Variants in FAM161A observed in about 807,000 individuals in gnomAD.
FAM161A encodes FAM161 centrosomal protein A, also known as protein FAM161A.
Under a neutral mutation model 70.9 loss-of-function variants are expected in FAM161A, and 57 were observed. The observed-to-expected ratio is 0.80, with a 90% confidence interval of 0.65 to 1.00. The LOEUF is 1.00. FAM161A is among the 50% of genes least tolerant of loss of function. The pLI, the probability that FAM161A is intolerant of heterozygous loss-of-function variation, is 0.00. For synonymous variants in FAM161A, 299 were observed against 295.7 expected (o/e 1.01, Z -0.12); for missense variants, 880 against 836.0 (o/e 1.05, Z -0.65).
chr2:61,823,332 CA>C (rs58820982), downstream of FAM161A, among the ~76,000 whole-genome samples: 88,741 of 118,404 alleles, frequency 0.75, 33,996 homozygotes, highest in East Asian at 0.88. Context: ...GATTCCATCT[CA>C]AAAAAAAAAA....
At chr2:61,818,309 G>A in the FAM161A span, among the ~76,000 whole-genome samples, 1 of 152,142 alleles carries the variant, frequency 6.6e-6, no homozygotes, top group African/African-American at 2.4e-5. Context: ...ACCCGCCTCG[G>A]TCTCCCAAAG....
intron 4 of FAM161A, 88 bp from the exon 5 acceptor site, chr2:61,836,197 C>A (rs1672768889): frequency 1.1e-6 from 1 of 939,712 alleles, no homozygotes; most frequent in Admixed American, 2.1e-5. Flanking sequence ...TCAACTTGTA[C>A]AAAGTCAATG....
At chr2:61,805,168 C>G in the FAM161A span, among the ~76,000 whole-genome samples, 1 of 152,176 alleles carries the variant, frequency 6.6e-6, no homozygotes, top group Non-Finnish European at 1.5e-5. Flanking sequence ...GCCCCATGCC[C>G]CACCACCCAC....
At chr2:61,812,129 T>C in the FAM161A span, among the ~76,000 whole-genome samples, 4 of 152,172 alleles carry the variant, frequency 2.6e-5, no homozygotes, top group African/African-American at 9.6e-5. Context: ...CCTTCTTGAC[T>C]CTAACTAGGC....
At chr2:61,814,229 A>G in the FAM161A span, among the ~76,000 whole-genome samples, 4 of 152,198 alleles carry the variant, frequency 2.6e-5, no homozygotes, top group African/African-American at 9.6e-5. Context: ...GTTCATCCAG[A>G]ACTTATCCCC....
At chr2:61,822,791 T>C (rs1262733557), downstream of FAM161A, among the ~76,000 whole-genome samples, 1 of 151,862 alleles carries the variant, frequency 6.6e-6, no homozygotes, top group Non-Finnish European at 1.5e-5. Flanking sequence ...GGTTTCACCA[T>C]GTTGGCCAGG....
Position 61,853,712 on chromosome 2 carries a change from G to A in FAM161A, c.183+147C>T, listed in dbSNP as rs947616172. Reference sequence around the variant, plus strand: ...GAGTAATTTTCGTGAGCGTAGAGAAGGGGCTGGGCCAGGACCACCAAGTAG... The same window carrying A: ...GAGTAATTTTCGTGAGCGTAGAGAAAGGGCTGGGCCAGGACCACCAAGTAG... On this transcript the variant is annotated intron_variant, in intron 1 of 6. Transcript: ENST00000404929. 48 of 777,072 alleles carry A rather than the reference G, an allele frequency of 6.2e-5. No homozygotes were observed. The Admixed American group carries it at 1.4e-3, about 22-fold the overall frequency. The allele number at this position is 777,072 out of a possible 1,614,324, so 48.1% of individuals were successfully genotyped here.
chr2:61,826,989 A>C, intron 6 of FAM161A, 115 bp downstream of exon 6: 57 of 928,674 alleles, frequency 6.1e-5, no homozygotes, highest in Non-Finnish European at 8.9e-5. Context: ...ACTATTGGGT[A>C]AAAGATCTTT....
chr2:61,807,320 G>T, the FAM161A span, among the ~76,000 whole-genome samples: 1 of 151,352 alleles, frequency 6.6e-6, no homozygotes, highest in Non-Finnish European at 1.5e-5. Flanking sequence ...CCTAGAAAAA[G>T]AATAAATCAC....
At position 61,825,616 on chromosome 2, in the gene FAM161A, G is replaced by C; in HGVS notation, c.*839C>G. The C allele has an allele frequency of 2.3e-6, 1 of 438,802 alleles. No individual in the cohort carries two copies. Among genetic ancestry groups the C allele is most frequent in the Non-Finnish European group, 4.5e-6 (1 of 222,890 alleles). The allele number at this position is 438,802 out of a possible 1,614,324, so 27.2% of individuals were successfully genotyped here. On this transcript the variant is annotated 3_prime_UTR_variant, in exon 7 of 7. Coordinates refer to ENST00000404929, the MANE Select transcript of FAM161A (RefSeq NM_001201543.2). ...TCAGTGCAAAAATAAATGTAAATTT[G>C]CAAGTATCCATTTTTTTCTATACTT...
chr2:61,846,747 G>T (rs1673228680), intron 1 of FAM161A: 1 of 321,290 alleles, frequency 3.1e-6, no homozygotes, highest in Non-Finnish European at 6.2e-6. Flanking sequence ...AGAGGAGAAA[G>T]ATGGGACTTA....
At chr2:61,840,655 T>C in intron 2 of FAM161A, 74 bp from the exon 3 acceptor site, 1 of 1,202,444 alleles carries the variant, frequency 8.3e-7, no homozygotes, top group Non-Finnish European at 1.2e-6. Context: ...GTTACATATT[T>C]TCTTTTTTTT....
downstream of FAM161A, chr2:61,820,514 A>G: frequency 1.3e-6 from 1 of 750,404 alleles, no homozygotes; most frequent in Non-Finnish European, 2.4e-6. Context: ...ACTGTGAAAA[A>G]GGTATTTGTT....
rs1315738001 is a variant in FAM161A, at chr2:61,838,879, TA to T, written c.1584-175del. Among the ~76,000 whole-genome samples, 230 of 144,018 alleles carry T rather than the reference TA, an allele frequency of 1.6e-3. 3 individuals carry two copies. In the East Asian group the frequency reaches 0.018, roughly 11 times the overall value. 94.5% of individuals were successfully genotyped at this position (144,018 alleles called of 152,430 possible). A position where few individuals can be genotyped will look rare whatever the true frequency, so the allele number is the denominator to read the frequency against. ...ATATTTATTTATTTATTTATTTATT[TA>T]TTTATTTATTTATTTTTTTTGAGAT... On this transcript the variant is annotated intron_variant, in intron 3 of 6. Coordinates refer to ENST00000404929, the MANE Select transcript of FAM161A (RefSeq NM_001201543.2).
downstream of FAM161A, chr2:61,820,472 G>C: frequency 7.9e-6 from 6 of 755,678 alleles, no homozygotes. Context: ...GCTGTCTCAA[G>C]AGAAGGTTCT....
chr2:61,813,349 T>C, the FAM161A span, among the ~76,000 whole-genome samples: 2 of 150,616 alleles, frequency 1.3e-5, no homozygotes, highest in South Asian at 4.2e-4. Context: ...AAGACCAGCC[T>C]GGCCAATATG....
the FAM161A span, among the ~76,000 whole-genome samples, chr2:61,819,141 A>G: frequency 6.6e-6 from 1 of 152,216 alleles, no homozygotes; most frequent in Non-Finnish European, 1.5e-5. Context: ...AATGAAATGA[A>G]AGACAAAAAA....
At chr2:61,841,173 A>G (rs1460522001) in intron 2 of FAM161A, among the ~76,000 whole-genome samples, 1 of 152,150 alleles carries the variant, frequency 6.6e-6, no homozygotes. Context: ...CCTGAAGCAT[A>G]GATCTGATCA....
At chr2:61,833,622 C>T (rs570994938) in intron 5 of FAM161A, among the ~76,000 whole-genome samples, 1 of 152,088 alleles carries the variant, frequency 6.6e-6, no homozygotes, top group South Asian at 2.1e-4. Context: ...CCTCACCTAC[C>T]ATATCAATAA....
Sources: gnomAD v4.1 joint callset for allele counts (sites outside exome capture counted in the v4.1 genomes callset) on GRCh38, gnomAD v4.1.1 for gene constraint, MANE v1.5 for transcripts, NCBI Gene and HGNC (gene_info 2026-07-23, HGNC 2026-07-21) for gene names.